The following PTPRD variants were observed in gnomAD, a reference collection of about 807,000 sequenced individuals.
The protein encoded by PTPRD is protein tyrosine phosphatase receptor type D.
PTPRD carries 34 observed loss-of-function variants against 214.5 expected under a neutral mutation model. The ratio of observed to expected loss-of-function variants is 0.16; its 90% CI spans 0.12 to 0.21. The LOEUF is 0.21. PTPRD is among the 10% of genes least tolerant of loss of function. The probability of loss-of-function intolerance (pLI) is 1.00; values close to 1 mark genes in which losing one functional copy is unlikely to be tolerated. For missense variants in PTPRD, 2,545 were observed against 2,398.7 expected (o/e 1.06, Z -1.27); for synonymous variants, 1,128 against 845.7 (o/e 1.33, Z -5.79).
intron 3 of PTPRD, among the ~76,000 whole-genome samples, chr9:10,067,138 T>C (rs1043548450): frequency 5.3e-5 from 8 of 151,900 alleles, no homozygotes; most frequent in Non-Finnish European, 8.8e-5. Flanking sequence ...TTGCAGTGCT[T>C]GGCATTGTGA....
chr9:9,318,508 C>T (rs1255883066), intron 9 of PTPRD, among the ~76,000 whole-genome samples: 1 of 151,966 alleles, frequency 6.6e-6, no homozygotes, highest in East Asian at 1.9e-4. Context: ...GCAAAGAAAC[C>T]AAAGTATTAC....
intron 42 of PTPRD, among the ~76,000 whole-genome samples, chr9:8,339,657 C>T (rs180973716): frequency 6.6e-6 from 1 of 152,032 alleles, no homozygotes; most frequent in Non-Finnish European, 1.5e-5. Flanking sequence ...TGGGCTTTAG[C>T]TGCACTTCTA....
chr9:9,725,830 T>C (rs2098079568), intron 7 of PTPRD, among the ~76,000 whole-genome samples: 1 of 152,188 alleles, frequency 6.6e-6, no homozygotes, highest in Admixed American at 6.5e-5. Flanking sequence ...AGAATTCTTC[T>C]TTCAAGATAG....
At chr9:9,099,690 G>C (rs1225487554) in intron 10 of PTPRD, among the ~76,000 whole-genome samples, 1 of 152,156 alleles carries the variant, frequency 6.6e-6, no homozygotes, top group Non-Finnish European at 1.5e-5. Flanking sequence ...AACTACATAG[G>C]TGTTACTGAA....
chr9:8,908,179 G>A (rs2098721704), intron 11 of PTPRD, among the ~76,000 whole-genome samples: 1 of 152,042 alleles, frequency 6.6e-6, no homozygotes, highest in Admixed American at 6.6e-5. Context: ...TGTCTACCAA[G>A]ACATCAATAT....
chr9:10,194,486 C>T (rs545165477), intron 3 of PTPRD, among the ~76,000 whole-genome samples: 11 of 151,342 alleles, frequency 7.3e-5, no homozygotes, highest in Non-Finnish European at 1.6e-4. Context: ...GATCAGGAAT[C>T]TGAGGTTGAA....
intron 4 of PTPRD, among the ~76,000 whole-genome samples, chr9:9,975,685 A>T (rs1380569285): frequency 2.6e-5 from 4 of 152,166 alleles, no homozygotes; most frequent in Non-Finnish European, 5.9e-5. Flanking sequence ...CAACAAGGAG[A>T]TCTCTGTTAA....
chr9:8,418,224 C>CTTTTTTT (rs375048364), intron 35 of PTPRD, among the ~76,000 whole-genome samples: 1 of 147,786 alleles, frequency 6.8e-6, no homozygotes. Context: ...TTATCCTTTT[C>CTTTTTTT]TTTTTTTTTT....
At chr9:10,392,883 C>A (rs1436213069) in intron 2 of PTPRD, among the ~76,000 whole-genome samples, 2 of 151,768 alleles carry the variant, frequency 1.3e-5, no homozygotes, top group Non-Finnish European at 2.9e-5. Flanking sequence ...ATTTCTGAGG[C>A]CTTCAGTGGG....
rs1404069294 is a variant in PTPRD at position 8,318,089 on chromosome 9, A to G, written c.5671-147T>C. 7 of 672,498 alleles carry G rather than the reference A, an allele frequency of 1.0e-5. No homozygotes were observed. In the East Asian group the frequency reaches 1.2e-4, roughly 11 times the overall value. The allele number at this position is 672,498 out of a possible 1,614,324, so 41.7% of individuals were successfully genotyped here. On this transcript the variant is annotated intron_variant, in intron 45 of 45. Coordinates refer to ENST00000381196, the MANE Select transcript of PTPRD (RefSeq NM_002839.4). ...CGTCAACTGGTCTAATCCAATGACC[A>G]ATTGTTTATAGTGAACAAAGAAAAA...
Position 8,485,310 on chromosome 9 carries a change from A to T in PTPRD, c.3070T>A (p.Phe1024Ile). 6.2e-7 allele frequency: 1 copy of T among 1,614,002 alleles called. No homozygotes were observed. The highest frequency in any genetic ancestry group is 8.5e-7 in the Non-Finnish European group (1 of 1,179,918). Residue 1024 changes from phenylalanine (F) to isoleucine (I), a missense_variant, in exon 29 of 46, where the codon TTT becomes ATT. Transcript: ENST00000381196. Reference protein sequence around the residue: ...LPVDQVFAKNFHVKAVMKTSV... With the variant: ...LPVDQVFAKNIHVKAVMKTSV... ...GTCTTCATTACTGCTTTGACATGAA[A>T]ATTTTTTGCAAACACTGCTGGAAAA...
intron 3 of PTPRD, among the ~76,000 whole-genome samples, chr9:10,291,262 G>A (rs574923854): frequency 1.3e-5 from 2 of 152,102 alleles, no homozygotes; most frequent in South Asian, 2.1e-4. Context: ...GGCAGCTGAG[G>A]ACAAAGTCAA....
intron 3 of PTPRD, among the ~76,000 whole-genome samples, chr9:10,049,167 T>C: frequency 6.6e-6 from 1 of 152,146 alleles, no homozygotes; most frequent in Admixed American, 6.6e-5. Context: ...CACTTCAATG[T>C]GGCGTTTGCG....
At chr9:10,155,098 T>C (rs924800208) in intron 3 of PTPRD, among the ~76,000 whole-genome samples, 1 of 152,112 alleles carries the variant, frequency 6.6e-6, no homozygotes, top group African/African-American at 2.4e-5. Flanking sequence ...TTTCTCCATT[T>C]GTTTCTGTCA....
intron 5 of PTPRD, among the ~76,000 whole-genome samples, chr9:9,934,468 A>T (rs577171692): frequency 0.074 from 10,453 of 140,410 alleles, 1,501 homozygotes; most frequent in African/African-American, 0.28. Context: ...ATAAACTAGA[A>T]AATCTAGAAG....
chr9:10,299,141 T>A (rs1460481278), intron 3 of PTPRD, among the ~76,000 whole-genome samples: 1 of 152,178 alleles, frequency 6.6e-6, no homozygotes, highest in Non-Finnish European at 1.5e-5. Context: ...GTAATATACA[T>A]TTATATTTTT....
At chr9:9,387,973 C>A (rs565491760) in intron 9 of PTPRD, among the ~76,000 whole-genome samples, 139 of 152,204 alleles carry the variant, frequency 9.1e-4, no homozygotes, top group African/African-American at 3.2e-3. Context: ...TTAATTAGAC[C>A]CCCCTTCCTT....
intron 3 of PTPRD, among the ~76,000 whole-genome samples, chr9:10,104,829 A>G (rs529257675): frequency 1.3e-5 from 2 of 151,918 alleles, no homozygotes; most frequent in Non-Finnish European, 2.9e-5. Context: ...ACAGCTTTAT[A>G]CTGGTCCTTA....
intron 20 of PTPRD, among the ~76,000 whole-genome samples, chr9:8,520,987 G>A (rs2097880084): frequency 1.3e-5 from 2 of 151,900 alleles, no homozygotes; most frequent in South Asian, 2.1e-4. Context: ...CATAATGGTC[G>A]ACCATGTGTA....
Sources: gnomAD v4.1 joint callset for allele counts (sites outside exome capture counted in the v4.1 genomes callset) on GRCh38, gnomAD v4.1.1 for gene constraint, MANE v1.5 for transcripts, NCBI Gene and HGNC (gene_info 2026-07-23, HGNC 2026-07-21) for gene names.